Variants in WDPCP observed in about 807,000 individuals in gnomAD.
WDPCP encodes the protein WD repeat containing planar cell polarity effector, also known as WD repeat-containing and planar cell polarity effector protein fritz homolog.
A neutral mutation model predicts 93.1 loss-of-function variants in WDPCP; 71 were observed. The ratio of observed to expected loss-of-function variants is 0.76; its 90% CI spans 0.63 to 0.93. The LOEUF is 0.93. WDPCP is among the 40% of genes least tolerant of loss of function. The pLI, the probability that WDPCP is intolerant of heterozygous loss-of-function variation, is 0.00. For missense variants in WDPCP, 844 were observed against 887.4 expected (o/e 0.95, Z 0.62); for synonymous variants, 315 against 315.0 (o/e 1.00, Z 0.00).
intron 2 of WDPCP, among the ~76,000 whole-genome samples, chr2:63,658,783 T>C (rs961004158): frequency 6.6e-6 from 1 of 152,184 alleles, no homozygotes; most frequent in Non-Finnish European, 1.5e-5. Flanking sequence ...AATGCTGACA[T>C]GTTCCACAAG....
At chr2:63,237,874 A>G (rs971127429) in intron 14 of WDPCP, among the ~76,000 whole-genome samples, 1 of 152,116 alleles carries the variant, frequency 6.6e-6, no homozygotes, top group African/African-American at 2.4e-5. Context: ...CTTGTTAGGT[A>G]CTATATTCAC....
chr2:63,189,019 G>T (rs1442585416), intron 14 of WDPCP, among the ~76,000 whole-genome samples: 1 of 152,094 alleles, frequency 6.6e-6, no homozygotes, highest in African/African-American at 2.4e-5. Context: ...TTTCTTTGGG[G>T]TTGTATGTTT....
At chr2:63,527,711 T>A (rs1703457489) in intron 1 of WDPCP, among the ~76,000 whole-genome samples, 1 of 152,100 alleles carries the variant, frequency 6.6e-6, no homozygotes, top group African/African-American at 2.4e-5. Flanking sequence ...GCAGCATGAT[T>A]TATAATCCTT....
chr2:63,381,592 A>C (rs1692313165), intron 11 of WDPCP, among the ~76,000 whole-genome samples: 1 of 152,154 alleles, frequency 6.6e-6, no homozygotes, highest in African/African-American at 2.4e-5. Context: ...GGAGTACATG[A>C]AATTTTTGAT....
At chr2:63,692,755 T>C (rs778699274) in intron 2 of WDPCP, among the ~76,000 whole-genome samples, 3 of 152,216 alleles carry the variant, frequency 2.0e-5, no homozygotes, top group Non-Finnish European at 4.4e-5. Context: ...AATATATACA[T>C]AATGGCTTAT....
At chr2:63,810,333 C>T (rs1430399139) in intron 2 of WDPCP, among the ~76,000 whole-genome samples, 1 of 152,200 alleles carries the variant, frequency 6.6e-6, no homozygotes, top group East Asian at 1.9e-4. Context: ...TGTGATAGGA[C>T]AACCTCTTCA....
chr2:63,324,076 C>T lies in WDPCP; in HGVS notation c.1749-10765G>A, dbSNP rs1687336410. ...AGGTGGCTCATTTTTTTCTGCCCTA[C>T]AGCCTGGCCCCAATATTCTCTCTCT... is the stretch of plus-strand genomic sequence containing the variant. On this transcript the variant is annotated intron_variant, in intron 12 of 17. Coordinates refer to ENST00000272321, the MANE Select transcript of WDPCP (RefSeq NM_015910.7). 4.6e-5 allele frequency among the ~76,000 whole-genome samples: 7 copies of T among 152,192 alleles called. 1 individual carries two copies. Among genetic ancestry groups the T allele is most frequent in the African/African-American group, 1.4e-4 (6 of 41,522 alleles).
chr2:63,427,305 G>C (rs1696397111), intron 9 of WDPCP, among the ~76,000 whole-genome samples: 1 of 151,966 alleles, frequency 6.6e-6, no homozygotes, highest in African/African-American at 2.4e-5. Flanking sequence ...TCTGCACAAG[G>C]GACACACTGA....
At chr2:63,837,911 C>G in the WDPCP span, among the ~76,000 whole-genome samples, 1 of 152,200 alleles carries the variant, frequency 6.6e-6, no homozygotes, top group Admixed American at 6.5e-5. Flanking sequence ...TGAGACAAGC[C>G]TGGCCAACAC....
chr2:63,700,683 A>C (rs993978911), intron 2 of WDPCP, among the ~76,000 whole-genome samples: 3 of 152,210 alleles, frequency 2.0e-5, no homozygotes, highest in Non-Finnish European at 4.4e-5. Flanking sequence ...ACACAAACCA[A>C]AGGAACAGAA....
intron 15 of WDPCP, among the ~76,000 whole-genome samples, chr2:63,169,443 A>G (rs1402945797): frequency 6.6e-6 from 1 of 152,180 alleles, no homozygotes; most frequent in African/African-American, 2.4e-5. Flanking sequence ...AAAGTTCGAT[A>G]CTTTTTTCCT....
intron 2 of WDPCP, among the ~76,000 whole-genome samples, chr2:63,761,573 C>T (rs1393039012): frequency 6.6e-6 from 1 of 152,100 alleles, no homozygotes; most frequent in Non-Finnish European, 1.5e-5. Context: ...GTCCAAGTGC[C>T]AAAACTGAAG....
At chr2:63,189,701 A>G (rs559068015) in intron 14 of WDPCP, among the ~76,000 whole-genome samples, 1 of 152,238 alleles carries the variant, frequency 6.6e-6, no homozygotes, top group Non-Finnish European at 1.5e-5. Flanking sequence ...ATTTCTTTTT[A>G]TATTCCATTA....
intron 1 of WDPCP, chr2:63,813,752 T>C (rs1202203300): frequency 6.6e-6 from 1 of 152,212 alleles, no homozygotes. Flanking sequence ...TAAATATTTA[T>C]TGAATGAATG....
chr2:63,469,001 G>GAA (rs879116275), intron 6 of WDPCP, among the ~76,000 whole-genome samples: 4 of 124,208 alleles, frequency 3.2e-5, no homozygotes, highest in African/African-American at 1.2e-4. Context: ...TTAAATACAA[G>GAA]AAAAAAAAAA....
intron 14 of WDPCP, among the ~76,000 whole-genome samples, chr2:63,217,149 G>C (rs1677427662): frequency 6.6e-6 from 1 of 152,200 alleles, no homozygotes; most frequent in East Asian, 1.9e-4. Context: ...AACTTTTGAG[G>C]TAAGAATGGT....
intron 6 of WDPCP, among the ~76,000 whole-genome samples, chr2:63,467,144 C>G (rs1416531258): frequency 1.3e-5 from 2 of 152,084 alleles, no homozygotes; most frequent in African/African-American, 4.8e-5. Flanking sequence ...TTGAAGTAGT[C>G]AAGATACAAT....
chr2:63,353,855 C>T (rs1352326382), intron 12 of WDPCP, among the ~76,000 whole-genome samples: 1 of 152,120 alleles, frequency 6.6e-6, no homozygotes, highest in African/African-American at 2.4e-5. Context: ...AGCAGGCCCC[C>T]AGAATACTGC....
intron 3 of WDPCP, among the ~76,000 whole-genome samples, chr2:63,640,172 C>A (rs1050375972): frequency 2.0e-5 from 3 of 152,166 alleles, no homozygotes; most frequent in African/African-American, 7.2e-5. Flanking sequence ...CGACGCCCAG[C>A]TAATTTTTTG....
Sources: gnomAD v4.1 joint callset for allele counts (sites outside exome capture counted in the v4.1 genomes callset) on GRCh38, gnomAD v4.1.1 for gene constraint, MANE v1.5 for transcripts, NCBI Gene and HGNC (gene_info 2026-07-23, HGNC 2026-07-21) for gene names.